The following MYBL2 variants were observed in gnomAD, a reference collection of about 807,000 sequenced individuals.
The protein encoded by MYBL2 is MYB proto-oncogene like 2, also known as myb-related protein B.
A neutral mutation model predicts 79.9 loss-of-function variants in MYBL2; 28 were observed. The observed-to-expected ratio is 0.35, with a 90% CI of 0.26 to 0.48. MYBL2 has a LOEUF of 0.48. Ranked by LOEUF, MYBL2 falls within the 20% of genes least tolerant of loss-of-function variation. The pLI, the probability that MYBL2 is intolerant of heterozygous loss-of-function variation, is 0.99. For missense variants in MYBL2, 735 were observed against 893.9 expected (o/e 0.82, Z 2.27); for synonymous variants, 378 against 361.2 (o/e 1.05, Z -0.53).
chr20:43,668,685 GT>G (rs3091868), intron 1 of MYBL2, among the ~76,000 whole-genome samples: 75,207 of 106,138 alleles, frequency 0.71, 25,948 homozygotes, highest in Non-Finnish European at 0.76. Flanking sequence ...CCCTGCCCTG[GT>G]TTTTTTTTTT....
chr20:43,685,871 C>T (rs538074272), intron 4 of MYBL2, among the ~76,000 whole-genome samples: 50 of 152,076 alleles, frequency 3.3e-4, no homozygotes, highest in African/African-American at 1.2e-3. Flanking sequence ...AACCCCGTCT[C>T]TACTAAAAAT....
chr20:43,705,672 AT>A (rs1001033201), intron 9 of MYBL2, among the ~76,000 whole-genome samples: 2 of 144,646 alleles, frequency 1.4e-5, no homozygotes, highest in African/African-American at 5.2e-5. Flanking sequence ...AATTAAAAAA[AT>A]ATTTATTTAT....
intron 4 of MYBL2, 144 bp downstream of exon 4, chr20:43,683,030 T>C (rs1409623896): frequency 4.0e-6 from 3 of 744,510 alleles, no homozygotes; most frequent in African/African-American, 3.5e-5. Flanking sequence ...TGGACACTCT[T>C]ATGCTGCCCT....
chr20:43,699,909 A>G lies in MYBL2; in HGVS notation c.816A>G (p.Glu272=). ...TGCGAACACCAGAGCCCTTGGAGGA[A>G]TTCCCGAAGCGTGAGGACCAGGAAG... ...DAVRTPEPLE[E]FPKREDQEGS... The change falls in exon 7 of 14, where the codon GAA becomes GAG. Residue 272 remains glutamate (E), a synonymous_variant. Transcript: ENST00000217026. The G allele has an allele frequency of 6.2e-7, 1 of 1,614,072 alleles. No homozygotes were observed. Among genetic ancestry groups the G allele is most frequent in the South Asian group, 1.1e-5 (1 of 91,078 alleles).
rs573542418 is a variant in MYBL2, at chr20:43,692,141, C to T, written c.501-16C>T. 8 of 1,612,672 alleles carry T rather than the reference C, an allele frequency of 5.0e-6. No homozygotes were observed. In the African/African-American group the frequency reaches 8.0e-5, roughly 16 times the overall value. ...CACAGAGCTGGGGTTCAAAGGCCCC[C>T]TGCTGCCCCCTGCAGGACAGACAAT... On this transcript the variant is annotated splice_polypyrimidine_tract_variant and intron_variant, in intron 5 of 13. Coordinates refer to ENST00000217026, the MANE Select transcript of MYBL2 (RefSeq NM_002466.4).
chr20:43,685,238 T>C (rs1188628774), intron 4 of MYBL2, among the ~76,000 whole-genome samples: 1 of 151,806 alleles, frequency 6.6e-6, no homozygotes, highest in Non-Finnish European at 1.5e-5. Flanking sequence ...TGGAGTGCAG[T>C]GGCATGATCT....
At chr20:43,677,660 C>G (rs1333561898) in intron 2 of MYBL2, among the ~76,000 whole-genome samples, 1 of 150,204 alleles carries the variant, frequency 6.7e-6, no homozygotes, top group African/African-American at 2.5e-5. Context: ...CCTGGCCAGC[C>G]GCCCCGACTG....
intron 11 of MYBL2, among the ~76,000 whole-genome samples, chr20:43,712,790 A>C (rs151059793): frequency 6.6e-6 from 1 of 152,126 alleles, no homozygotes; most frequent in East Asian, 1.9e-4. Flanking sequence ...GATAGGGTCT[A>C]CCTTGGGTAC....
intron 9 of MYBL2, among the ~76,000 whole-genome samples, chr20:43,705,606 C>T (rs1037700123): frequency 6.6e-6 from 1 of 152,208 alleles, no homozygotes; most frequent in Non-Finnish European, 1.5e-5. Flanking sequence ...TTGTGATCCT[C>T]CTGCCTCAGC....
At chr20:43,699,367 C>T (rs1332719591) in intron 6 of MYBL2, among the ~76,000 whole-genome samples, 1 of 152,196 alleles carries the variant, frequency 6.6e-6, no homozygotes, top group African/African-American at 2.4e-5. Context: ...CTTCTTTCAT[C>T]TGAGCCATTT....
intron 3 of MYBL2, 81 bp downstream of exon 3, chr20:43,681,936 A>AG: frequency 6.9e-7 from 1 of 1,447,188 alleles, no homozygotes; most frequent in Non-Finnish European, 9.6e-7. Context: ...TTTGCCAAGG[A>AG]GGGGAAAAGG....
intron 2 of MYBL2, among the ~76,000 whole-genome samples, chr20:43,677,249 G>A (rs1987034229): frequency 6.6e-6 from 1 of 152,182 alleles, no homozygotes; most frequent in Non-Finnish European, 1.5e-5. Flanking sequence ...GGAGAGATAA[G>A]ACCGTGTGCA....
intron 1 of MYBL2, among the ~76,000 whole-genome samples, chr20:43,670,406 C>T (rs1287571952): frequency 2.0e-5 from 3 of 152,094 alleles, no homozygotes; most frequent in East Asian, 1.9e-4. Flanking sequence ...CTGTAGACAC[C>T]GTCCCTCCTT....
intron 9 of MYBL2, among the ~76,000 whole-genome samples, chr20:43,705,839 T>A (rs926818439): frequency 6.6e-6 from 1 of 152,130 alleles, no homozygotes; most frequent in African/African-American, 2.4e-5. Context: ...TAGCTAGGAC[T>A]ACAGGCATCC....
At chr20:43,715,825 GGA>G (rs1176869614) in intron 13 of MYBL2, 132 bp from the exon 14 acceptor site, 1 of 1,238,662 alleles carries the variant, frequency 8.1e-7, no homozygotes, top group African/African-American at 1.5e-5. Flanking sequence ...CAGGGAATGT[GGA>G]GAGAGAATAA....
At chr20:43,701,241 C>T (rs1046427224) in intron 7 of MYBL2, among the ~76,000 whole-genome samples, 20 of 152,192 alleles carry the variant, frequency 1.3e-4, no homozygotes, top group Non-Finnish European at 2.4e-4. Flanking sequence ...CCCATCTTCC[C>T]TCCTCTGCTC....
At chr20:43,673,639 A>G (rs773188176) in intron 1 of MYBL2, 167 bp from the exon 2 acceptor site, 13 of 725,816 alleles carry the variant, frequency 1.8e-5, no homozygotes, top group Middle Eastern at 2.4e-4. Flanking sequence ...CCCTGTCTCA[A>G]TAAAAATAAG....
chr20:43,712,403 A>G (rs1987927958), intron 11 of MYBL2, among the ~76,000 whole-genome samples: 2 of 152,092 alleles, frequency 1.3e-5, no homozygotes, highest in South Asian at 2.1e-4. Context: ...TCTGGCCTCC[A>G]GGGTCCTCCC....
chr20:43,710,150 T>C (rs1380223275), intron 10 of MYBL2, 88 bp downstream of exon 10: 2 of 1,024,938 alleles, frequency 2.0e-6, no homozygotes, highest in East Asian at 5.6e-5. Context: ...GACCCTTCCC[T>C]CTGAGGTCTC....
Sources: allele counts gnomAD v4.1 joint callset (sites outside exome capture counted in the v4.1 genomes callset), GRCh38; gene constraint gnomAD v4.1.1; transcripts MANE v1.5; gene names NCBI Gene and HGNC (gene_info 2026-07-23, HGNC 2026-07-21).